Variants in ZZEF1 observed in about 807,000 individuals in gnomAD.
ZZEF1 encodes the protein zinc finger ZZ-type and EF-hand domain-containing protein 1.
A neutral mutation model predicts 342.8 loss-of-function variants in ZZEF1; 157 were observed. That is an observed-to-expected ratio of 0.46 (90% CI 0.40 to 0.52). The LOEUF (loss-of-function observed/expected upper bound fraction) is 0.52. ZZEF1 is among the 20% of genes least tolerant of loss of function. ZZEF1 has a pLI of 0.00. For missense variants in ZZEF1, 3,480 were observed against 3,725.6 expected, an observed-to-expected ratio of 0.93 and a Z score of 1.72; for synonymous variants, 1,505 against 1,429.1, an observed-to-expected ratio of 1.05 and a Z score of -1.20.
At chr17:4,138,887 A>C (rs1299314335) in intron 1 of ZZEF1, among the ~76,000 whole-genome samples, 2 of 152,254 alleles carry the variant, frequency 1.3e-5, no homozygotes, top group Non-Finnish European at 2.9e-5. Flanking sequence ...AAACTGAGAG[A>C]GTCCCTTCTC....
Position 4,076,873 on chromosome 17 carries a change from G to T in ZZEF1, c.3106C>A (p.Gln1036Lys). ...CNSVFSMAAR[Q>K]LVIFLLDFCT... ...TAGCTGCTAGTTTTTCTTACCAGTT[G>T]ACGAGCTGCCATTGAAAACACTGAG... Residue 1036 changes from glutamine to lysine, a missense_variant, in exon 20 of 55, where the codon CAA becomes AAA. This residue lies in a region of ZZEF1 where 1,528 missense variants were observed against 1,624.1 expected (regional missense o/e 0.94). Coordinates refer to ENST00000381638, the MANE Select transcript of ZZEF1 (RefSeq NM_015113.4). 1 of 1,614,020 alleles carries T rather than the reference G, an allele frequency of 6.2e-7. No homozygotes were observed. Among genetic ancestry groups the T allele is most frequent in the Non-Finnish European group, 8.5e-7 (1 of 1,179,938 alleles).
chr17:4,098,043 G>A (rs1259690299), intron 9 of ZZEF1, among the ~76,000 whole-genome samples: 2 of 151,756 alleles, frequency 1.3e-5, no homozygotes, highest in East Asian at 3.9e-4. Flanking sequence ...TTCGAGACGA[G>A]CCTGGCCAAC....
At chr17:4,066,266 TC>T (rs2057392389) in intron 28 of ZZEF1, among the ~76,000 whole-genome samples, 180 bp downstream of exon 28, 1 of 152,220 alleles carries the variant, frequency 6.6e-6, no homozygotes, top group Non-Finnish European at 1.5e-5. Context: ...AAAACATTAC[TC>T]CTCTTTGGGA....
intron 1 of ZZEF1, among the ~76,000 whole-genome samples, chr17:4,128,893 C>T (rs905468898): frequency 1.3e-5 from 2 of 150,944 alleles, no homozygotes; most frequent in African/African-American, 4.9e-5. Context: ...CTCAGCCTCC[C>T]GAGTAGCTGG....
intron 3 of ZZEF1, 51 bp downstream of exon 3, chr17:4,116,921 G>A (rs746121016): frequency 1.3e-6 from 2 of 1,490,304 alleles, no homozygotes; most frequent in South Asian, 1.4e-5. Flanking sequence ...CAACACAACA[G>A]TTAGAAGAAA....
intron 26 of ZZEF1, among the ~76,000 whole-genome samples, chr17:4,067,602 T>G (rs2057425807): frequency 6.6e-6 from 1 of 152,156 alleles, no homozygotes; most frequent in African/African-American, 2.4e-5. Flanking sequence ...GTATATTAAG[T>G]AAAAAAGCAG....
In ZZEF1 at chr17:4,090,794, A is replaced by G; in HGVS notation, c.1950T>C (p.Asp650=). The G allele has an allele frequency of 6.2e-7, 1 of 1,614,164 alleles. No individual in the cohort carries two copies. The highest frequency in any genetic ancestry group is 8.5e-7 in the Non-Finnish European group (1 of 1,180,026). The change falls in exon 12 of 55, where the codon GAT becomes GAC. Residue 650 remains aspartate, a synonymous_variant. Coordinates refer to ENST00000381638, the MANE Select transcript of ZZEF1 (RefSeq NM_015113.4). ...CTTCCAGTTCAAACCAGCCAATAGG[A>G]TCATCCTCTCCAAGGTCATCAGATG... ...GCSSDDLGED[D]PIGWFELEEE...
At chr17:4,095,744 C>G in intron 11 of ZZEF1, 87 bp downstream of exon 11, 1 of 1,411,634 alleles carries the variant, frequency 7.1e-7, no homozygotes, top group Non-Finnish European at 9.5e-7. Context: ...AAGCACAGTT[C>G]ACCAATGAGC....
chr17:4,086,070 G>A (rs2057813339), intron 15 of ZZEF1, among the ~76,000 whole-genome samples: 2 of 152,160 alleles, frequency 1.3e-5, no homozygotes, highest in African/African-American at 2.4e-5. Context: ...TAAAACTTCA[G>A]AAGCCCACGT....
At chr17:4,050,186 C>T (rs1408061602) in intron 36 of ZZEF1, among the ~76,000 whole-genome samples, 1 of 152,238 alleles carries the variant, frequency 6.6e-6, no homozygotes, top group African/African-American at 2.4e-5. Context: ...CTGCTCAATT[C>T]TCACTGGCAA....
intron 2 of ZZEF1, among the ~76,000 whole-genome samples, chr17:4,120,187 TC>T (rs1475784460): frequency 6.6e-6 from 1 of 151,958 alleles, no homozygotes; most frequent in Non-Finnish European, 1.5e-5. Flanking sequence ...TGAAACCCCA[TC>T]TCCACTAAAA....
Position 4,032,970 on chromosome 17 carries a change from GC to G in ZZEF1, c.6616del (p.Ala2206GlnfsTer32). On this transcript the variant is annotated frameshift_variant, in exon 41 of 55. Transcript: ENST00000381638. LOFTEE classifies it high-confidence loss of function. ...RVGLDWACSM[A>X]EILRSLNSAP... ...ACTGTTGAGTGACCGCAGGATCTCT[GC>G]CATGGAGCACGCCCAGTCCAAGCCC... 6.3e-7 allele frequency: 1 copy of G among 1,597,030 alleles called. No homozygotes were observed. Among genetic ancestry groups the G allele is most frequent in the Non-Finnish European group, 8.5e-7 (1 of 1,171,566 alleles).
chr17:4,044,274 G>T lies in ZZEF1; in HGVS notation c.6116C>A (p.Thr2039Asn). The T allele has an allele frequency of 6.2e-7, 1 of 1,614,158 alleles. No individual in the cohort carries two copies. The highest frequency in any genetic ancestry group is 8.5e-7 in the Non-Finnish European group (1 of 1,180,010). ...ATCTGCAGGTGAATCTGAAATTTGG[G>T]TCTGGCATGAAGGATCCTTCGATAA... Reference protein sequence around the residue: ...VSLSKDPSCQTQISDSPADAS... With the variant: ...VSLSKDPSCQNQISDSPADAS... The change falls in exon 38 of 55, where the codon ACC becomes AAC. Residue 2039 changes from threonine (T) to asparagine (N), a missense_variant. Physicochemically the swap from Thr to Asn is moderately conservative, Grantham distance 65 (BLOSUM62 0). Transcript: ENST00000381638.
At chr17:4,140,603 G>C (rs1464367049) in intron 1 of ZZEF1, among the ~76,000 whole-genome samples, 1 of 152,168 alleles carries the variant, frequency 6.6e-6, no homozygotes. Flanking sequence ...TTTGCTCAGT[G>C]AACAATAATG....
rs555331930 is a variant in ZZEF1 at position 4,026,598 on chromosome 17, T to C, written c.6893-1480A>G. On this transcript the variant is annotated intron_variant, in intron 42 of 54. Transcript: ENST00000381638. Reference sequence around the variant, plus strand: ...GTACAATGACGTGATCTTGGCTGACTGCAACCTCCACCTCCCAGGTTCAAG... The same window carrying C: ...GTACAATGACGTGATCTTGGCTGACCGCAACCTCCACCTCCCAGGTTCAAG... Among the ~76,000 whole-genome samples the C allele has an allele frequency of 1.5e-4, 22 of 151,700 alleles. No homozygotes were observed. In the South Asian group the frequency reaches 1.7e-3, roughly 12 times the overall value.
rs552199805 is a variant in ZZEF1, at chr17:4,047,980, T to C, written c.6015+1728A>G. 4.3e-4 allele frequency among the ~76,000 whole-genome samples: 66 copies of C among 152,030 alleles called. No individual in the cohort carries two copies. In the South Asian group the frequency reaches 0.013, roughly 29 times the overall value. On this transcript the variant is annotated intron_variant, in intron 37 of 54. Coordinates refer to ENST00000381638, the MANE Select transcript of ZZEF1 (RefSeq NM_015113.4). ...AAGTAATAGATTTTTATCCATTGAA[T>C]TAAAAAAAACCCATAAAAAAACCCT... is the stretch of plus-strand genomic sequence containing the variant.
intron 9 of ZZEF1, among the ~76,000 whole-genome samples, chr17:4,101,168 A>G (rs1184441217): frequency 6.6e-6 from 1 of 152,164 alleles, no homozygotes; most frequent in Non-Finnish European, 1.5e-5. Context: ...GCTGAAGAGG[A>G]GCACTGAGGA....
Position 4,085,813 on chromosome 17 carries a change from T to C in ZZEF1, c.2513-10A>G. 1 of 1,613,638 alleles carries C rather than the reference T, an allele frequency of 6.2e-7. No homozygotes were observed. Among genetic ancestry groups the C allele is most frequent in the Non-Finnish European group, 8.5e-7 (1 of 1,179,842 alleles). Reference sequence around the variant, plus strand: ...TCCACCTTGTCCACCACTGATAAAATGAACAATGGCATCAGCTTTCATATA... The same window carrying C: ...TCCACCTTGTCCACCACTGATAAAACGAACAATGGCATCAGCTTTCATATA... On this transcript the variant is annotated splice_polypyrimidine_tract_variant and intron_variant, in intron 15 of 54. Coordinates refer to ENST00000381638, the MANE Select transcript of ZZEF1 (RefSeq NM_015113.4).
intron 10 of ZZEF1, among the ~76,000 whole-genome samples, chr17:4,096,333 C>T (rs1296413079): frequency 6.6e-6 from 1 of 151,532 alleles, no homozygotes; most frequent in Non-Finnish European, 1.5e-5. Context: ...ACACCAATGA[C>T]GTGGACTTCT....
Sources: allele counts gnomAD v4.1 joint callset (sites outside exome capture counted in the v4.1 genomes callset), GRCh38; gene constraint gnomAD v4.1.1; regional missense constraint gnomAD v4.1.1; transcripts MANE v1.5; gene names NCBI Gene and HGNC (gene_info 2026-07-23, HGNC 2026-07-21).